CDHR2: variants seen among roughly 807,000 people sequenced by gnomAD.
CDHR2 encodes the protein cadherin related family member 2.
CDHR2 carries 104 observed loss-of-function variants against 138.6 expected under a neutral mutation model. That is an observed-to-expected ratio of 0.75 (90% CI 0.64 to 0.88). The LOEUF is 0.88. Among genes scored for constraint, CDHR2 ranks in the 40% least tolerant of loss-of-function variants. The probability of loss-of-function intolerance (pLI) is 0.00; values close to 1 mark genes in which losing one functional copy is unlikely to be tolerated. For synonymous variants in CDHR2, 755 were observed against 742.8 expected (o/e 1.02, Z -0.27); for missense variants, 1,624 against 1,727.6 (o/e 0.94, Z 1.06).
At position 176,576,309 on chromosome 5, in the gene CDHR2, A is replaced by T. The variant is rs1479031454; in HGVS notation, c.1194+124A>T. 13 of 758,130 alleles carry T rather than the reference A, an allele frequency of 1.7e-5. No homozygotes were observed. The East Asian group carries it at 3.5e-4, about 20-fold the overall frequency. The allele number at this position is 758,130 out of a possible 1,614,324, so 47.0% of individuals were successfully genotyped here. ...GGTGGTGCAGGGTGTGATGGCGGAG[A>T]ATGGGGGTGCTGGGTGCTCTCTGGA... On this transcript the variant is annotated intron_variant, in intron 12 of 31. Transcript: ENST00000261944. This position sits in a 1 kb window ranked among gnomAD's most constrained non-coding sequence, Gnocchi z 4.5.
intron 3 of CDHR2, among the ~76,000 whole-genome samples, chr5:176,567,888 C>A (rs13162074): frequency 6.6e-6 from 1 of 151,878 alleles, no homozygotes; most frequent in African/African-American, 2.4e-5. Flanking sequence ...CTCAGCCTCC[C>A]GGAGTGCGGG....
At chr5:176,586,134 A>T in intron 20 of CDHR2, 109 bp downstream of exon 20, 1 of 789,618 alleles carries the variant, frequency 1.3e-6, no homozygotes, top group Non-Finnish European at 2.2e-6. Context: ...GAAAGGGGGG[A>T]AGGCCTCTAA....
intron 19 of CDHR2, among the ~76,000 whole-genome samples, chr5:176,585,680 A>AC (rs1243388334): frequency 6.6e-6 from 1 of 152,166 alleles, no homozygotes; most frequent in Non-Finnish European, 1.5e-5. Context: ...TGATACTCCC[A>AC]CCCACACAGG....
rs776550236 is a variant in CDHR2, at chr5:176,584,586, G to A, written c.2305G>A (p.Glu769Lys). The change falls in exon 19 of 32, where the codon GAG becomes AAG. Residue 769 changes from glutamate to lysine, a missense_variant. Coordinates refer to ENST00000261944, the MANE Select transcript of CDHR2 (RefSeq NM_017675.6). ...RLPPDVSLDY[E>K]TQPVFNLTVS... ...GCCCCCGGACGTGAGCCTGGATTACGAGACACAGCCCGTCTTCAACTTGAC... is the reference window on the plus strand; with the variant it reads ...GCCCCCGGACGTGAGCCTGGATTACAAGACACAGCCCGTCTTCAACTTGAC... 3.2e-5 allele frequency: 52 copies of A among 1,608,274 alleles called. No homozygotes were observed. In the South Asian group the frequency reaches 3.5e-4, roughly 11 times the overall value.
chr5:176,576,152 T>C lies in CDHR2; in HGVS notation c.1161T>C (p.Asp387=). Residue 387 remains aspartate (D), a synonymous_variant, in exon 12 of 32, where the codon GAT becomes GAC. Transcript: ENST00000261944. The surrounding 1 kb of genome is among the most constrained non-coding windows in gnomAD (Gnocchi z 4.5). ...ATGCCTCCCCCCGCATCCCCATCGA[T>C]GACCTCACCATGGTGGTCTACGACC... The part of the protein sequence containing the change: ...DEHASPRIPI[D]DLTMVVYDPD... The C allele has an allele frequency of 6.2e-7, 1 of 1,610,552 alleles. No individual in the cohort carries two copies. Among genetic ancestry groups the C allele is most frequent in the Non-Finnish European group, 8.5e-7 (1 of 1,178,458 alleles).
In CDHR2 at chr5:176,576,262, T is replaced by C. The variant is rs1053466506; in HGVS notation, c.1194+77T>C. The C allele has an allele frequency of 3.3e-6, 4 of 1,200,152 alleles. No individual in the cohort carries two copies. Among genetic ancestry groups the C allele is most frequent in the Middle Eastern group, 2.5e-4 (1 of 3,984 alleles). 74.3% of individuals were successfully genotyped at this position (1,200,152 alleles called of 1,614,324 possible). A position where few individuals can be genotyped will look rare whatever the true frequency, so the allele number is the denominator to read the frequency against. ...GAGCCTGGATCGAGTGACGGTGTCATGTGGTGCTGGGTGGCGGTGCTGGTG... is the reference window on the plus strand; with the variant it reads ...GAGCCTGGATCGAGTGACGGTGTCACGTGGTGCTGGGTGGCGGTGCTGGTG... On this transcript the variant is annotated intron_variant, in intron 12 of 31. Transcript: ENST00000261944. This position sits in a 1 kb window ranked among gnomAD's most constrained non-coding sequence, Gnocchi z 4.5.
At chr5:176,581,684 G>A in intron 17 of CDHR2, 102 bp downstream of exon 17, 1 of 1,479,106 alleles carries the variant, frequency 6.8e-7, no homozygotes, top group Non-Finnish European at 9.2e-7. Flanking sequence ...CAGCCTGCCT[G>A]GGTTACAATC....
chr5:176,577,788 ACAG>A lies in CDHR2; in HGVS notation c.1505_1507del (p.Ser502del). On this transcript the variant is annotated inframe_deletion, in exon 14 of 32. Transcript: ENST00000261944. ...AGCGCCACCGGCTCTGTGGTCACCG[ACAG>A]CATCCACGTGAGTGATGTGGACACA... 6.2e-7 allele frequency: 1 copy of A among 1,614,012 alleles called. No individual in the cohort carries two copies. Among genetic ancestry groups the A allele is most frequent in the East Asian group, 2.2e-5 (1 of 44,874 alleles).
At position 176,595,799 on chromosome 5, in the gene CDHR2, G is replaced by C; in HGVS notation, c.*127G>C. ...GCTTTTGGCCAATCACGGCAGACAG[G>C]GGTTGGGGAAATATTTTATTACCAA... On this transcript the variant is annotated 3_prime_UTR_variant, in exon 32 of 32. Transcript: ENST00000261944. The C allele has an allele frequency of 1.2e-5, 11 of 951,248 alleles. No homozygotes were observed. The highest frequency in any genetic ancestry group is 1.5e-5 in the Non-Finnish European group (10 of 672,598). The allele number at this position is 951,248 out of a possible 1,614,324, so 58.9% of individuals were successfully genotyped here. A position where few individuals can be genotyped will look rare whatever the true frequency, so the allele number is the denominator to read the frequency against.
At position 176,592,624 on chromosome 5, in the gene CDHR2, CGTGGTGATGGTGATG is replaced by C. The variant is rs1421883169; in HGVS notation, c.3735-88_3735-74del. Reference sequence around the variant, plus strand: ...TGGTGATGGTGATGATGGTGGTAGTCGTGGTGATGGTGATGGTGGTGATGGAGGTGGTGGTTCTTG... The same window carrying C: ...TGGTGATGGTGATGATGGTGGTAGTCGTGGTGATGGAGGTGGTGGTTCTTG... On this transcript the variant is annotated intron_variant, in intron 30 of 31. Transcript: ENST00000261944. The C allele has an allele frequency of 5.7e-6, 5 of 884,228 alleles. No individual in the cohort carries two copies. In the African/African-American group the frequency reaches 8.5e-5, roughly 15 times the overall value. 54.8% of individuals were successfully genotyped at this position (884,228 alleles called of 1,614,324 possible). A position where few individuals can be genotyped will look rare whatever the true frequency, so the allele number is the denominator to read the frequency against.
At chr5:176,546,130 C>G (rs1331985488), upstream of CDHR2, among the ~76,000 whole-genome samples, 2 of 152,174 alleles carry the variant, frequency 1.3e-5, no homozygotes, top group Non-Finnish European at 2.9e-5. Flanking sequence ...TCACCTGCCT[C>G]TCTTCTTACT....
chr5:176,572,052 T>G (rs1758247531), intron 6 of CDHR2, among the ~76,000 whole-genome samples: 1 of 151,982 alleles, frequency 6.6e-6, no homozygotes, highest in South Asian at 2.1e-4. Context: ...ATTGCCTCCA[T>G]CCTGGGGGAA....
chr5:176,591,525 G>A (rs1175691749), intron 30 of CDHR2, 41 bp downstream of exon 30: 2 of 1,446,494 alleles, frequency 1.4e-6, no homozygotes, highest in South Asian at 2.3e-5. Flanking sequence ...TGGTGGTGGT[G>A]GTACAGGTAG....
intron 7 of CDHR2, 147 bp downstream of exon 7, chr5:176,574,319 C>A: frequency 3.1e-6 from 2 of 641,188 alleles, no homozygotes; most frequent in Non-Finnish European, 5.5e-6. Flanking sequence ...TGGCCACCAG[C>A]CCCCCTCCCC....
rs147054768 is a variant in CDHR2, at chr5:176,584,966, G to T, written c.2685G>T (p.Arg895=). 1.9e-6 allele frequency: 3 copies of T among 1,564,204 alleles called. No homozygotes were observed. The African/African-American group carries it at 4.1e-5, about 21-fold the overall frequency. Residue 895 remains arginine, a synonymous_variant, in exon 19 of 32, where the codon CGG becomes CGT. Coordinates refer to ENST00000261944, the MANE Select transcript of CDHR2 (RefSeq NM_017675.6). ...EACDLVTLVV[R]ACDLATDPGF... ...GTGACCTGGTCACGCTGGTTGTGCG[G>T]GCCTGTGACCTAGCCACGGACCCCG... is the stretch of plus-strand genomic sequence containing the variant.
intron 28 of CDHR2, 120 bp from the exon 29 acceptor site, chr5:176,591,090 T>C: frequency 1.5e-6 from 1 of 685,190 alleles, no homozygotes; most frequent in South Asian, 1.7e-5. Context: ...ACTTCTACCC[T>C]CTGTAAAATA....
At chr5:176,554,001 T>C (rs554158563) in intron 1 of CDHR2, among the ~76,000 whole-genome samples, 5 of 152,204 alleles carry the variant, frequency 3.3e-5, no homozygotes, top group African/African-American at 1.2e-4. Context: ...TCAGCACTGC[T>C]GGGGGTTCTG....
chr5:176,572,390 A>AAAATAAATAAATAAATAAATAAATAAAT (rs10527338), intron 6 of CDHR2, among the ~76,000 whole-genome samples: 5 of 148,518 alleles, frequency 3.4e-5, no homozygotes, highest in African/African-American at 1.2e-4. Flanking sequence ...CTCCATCTCA[A>AAAATAAATAAATAAATAAATAAATAAAT]AAATAAATAA....
intron 1 of CDHR2, among the ~76,000 whole-genome samples, chr5:176,563,434 A>G (rs1414431180): frequency 1.3e-5 from 2 of 152,022 alleles, no homozygotes; most frequent in African/African-American, 4.8e-5. Context: ...ATGAGCTGTA[A>G]TTGCTTTAAT....
Sources: allele counts gnomAD v4.1 joint callset (sites outside exome capture counted in the v4.1 genomes callset), GRCh38; gene constraint gnomAD v4.1.1; non-coding constraint Gnocchi (gnomAD v3.1); transcripts MANE v1.5; gene names NCBI Gene and HGNC (gene_info 2026-07-23, HGNC 2026-07-21).